ITPR1: variants seen among roughly 807,000 people sequenced by gnomAD.
ITPR1 encodes inositol 1,4,5-trisphosphate receptor type 1.
ITPR1 carries 96 observed loss-of-function variants against 318.4 expected under a neutral mutation model. The ratio of observed to expected loss-of-function variants is 0.30; its 90% CI spans 0.26 to 0.36. The LOEUF (loss-of-function observed/expected upper bound fraction) is 0.36. Ranked by LOEUF, ITPR1 falls within the 10% of genes least tolerant of loss-of-function variation. ITPR1 has a pLI of 1.00. For synonymous variants in ITPR1, 1,312 were observed against 1,289.9 expected (o/e 1.02, Z -0.37); for missense variants, 2,440 against 3,460.2 (o/e 0.71, Z 7.40).
rs774669628 is a variant in ITPR1 at position 4,710,127 on chromosome 3, C to G, written c.4843-198C>G. On this transcript the variant is annotated intron_variant, in intron 37 of 61. Coordinates refer to ENST00000649015, the MANE Select transcript of ITPR1 (RefSeq NM_001378452.1). The surrounding 1 kb of genome is among the most constrained non-coding windows in gnomAD (Gnocchi z 4.2). Reference sequence around the variant, plus strand: ...TGGTGGGAAAGTTGACTTGTTTTCACTTTGTTTTCTGCATCAGAGGCTAAT... The same window carrying G: ...TGGTGGGAAAGTTGACTTGTTTTCAGTTTGTTTTCTGCATCAGAGGCTAAT... 5.3e-5 allele frequency among the ~76,000 whole-genome samples: 8 copies of G among 152,190 alleles called. No homozygotes were observed. Among genetic ancestry groups the G allele is most frequent in the Non-Finnish European group, 1.2e-4 (8 of 68,026 alleles).
At chr3:4,796,009 C>G (rs1204172738) in intron 53 of ITPR1, among the ~76,000 whole-genome samples, 2 of 152,096 alleles carry the variant, frequency 1.3e-5, no homozygotes, top group Non-Finnish European at 2.9e-5. Context: ...GAACAACCTG[C>G]CAGGAACCAC....
chr3:4,833,352 G>T (rs993575216), intron 60 of ITPR1, among the ~76,000 whole-genome samples: 4 of 152,142 alleles, frequency 2.6e-5, no homozygotes, highest in African/African-American at 9.7e-5. Flanking sequence ...TTGGTTTTCT[G>T]GAGTCTTTCG....
At chr3:4,809,848 A>T (rs1002964443) in intron 55 of ITPR1, among the ~76,000 whole-genome samples, 28 of 152,182 alleles carry the variant, frequency 1.8e-4, no homozygotes, top group Non-Finnish European at 3.8e-4. Flanking sequence ...CTTTATATTG[A>T]GCTGCTGGAA....
chr3:4,620,888 C>G (rs560017944), intron 4 of ITPR1, among the ~76,000 whole-genome samples: 18 of 152,164 alleles, frequency 1.2e-4, no homozygotes, highest in African/African-American at 4.3e-4. Context: ...AACTTTCCTC[C>G]TCTCCAACTC....
intron 45 of ITPR1, among the ~76,000 whole-genome samples, chr3:4,768,019 G>C (rs1045648449): frequency 1.3e-5 from 2 of 152,200 alleles, no homozygotes; most frequent in Non-Finnish European, 2.9e-5. Context: ...TAACTGTAAT[G>C]CCATAACTAC....
intron 60 of ITPR1, among the ~76,000 whole-genome samples, chr3:4,833,035 C>T (rs746926659): frequency 6.6e-6 from 1 of 152,230 alleles, no homozygotes; most frequent in Non-Finnish European, 1.5e-5. Context: ...AGTTCTTGGA[C>T]TAAAGCAGCT....
At position 4,627,888 on chromosome 3, in the gene ITPR1, G is replaced by T. The variant is rs1315924250; in HGVS notation, c.279+10G>T. 1.9e-6 allele frequency: 3 copies of T among 1,576,616 alleles called. No individual in the cohort carries two copies. Among genetic ancestry groups the T allele is most frequent in the Admixed American group, 1.7e-5 (1 of 59,298 alleles). ...ACTCAACAAACTGCACGTACGTATT[G>T]CCATGGGGCTGTCGATGGGGCAGTA... On this transcript the variant is annotated intron_variant, in intron 5 of 61. Transcript: ENST00000649015.
chr3:4,495,678 A>G (rs2080499579), intron 2 of ITPR1, among the ~76,000 whole-genome samples: 1 of 152,238 alleles, frequency 6.6e-6, no homozygotes, highest in Admixed American at 6.5e-5. Context: ...AGCCAGGTCC[A>G]GAGCCATGTA....
At chr3:4,689,315 A>ACACT (rs10578255) in intron 31 of ITPR1, among the ~76,000 whole-genome samples, 1 of 151,770 alleles carries the variant, frequency 6.6e-6, no homozygotes, top group Non-Finnish European at 1.5e-5. Flanking sequence ...GTGCATGCAC[A>ACACT]CACTCACTCA....
intron 4 of ITPR1, among the ~76,000 whole-genome samples, chr3:4,564,099 GC>G (rs753261439): frequency 6.6e-6 from 1 of 151,992 alleles, no homozygotes; most frequent in Non-Finnish European, 1.5e-5. Context: ...GTGCCACCAT[GC>G]CCGGCTAATT....
At chr3:4,683,583 G>T (rs1037009787) in intron 27 of ITPR1, 32 bp downstream of exon 27, 1 of 1,613,870 alleles carries the variant, frequency 6.2e-7, no homozygotes, top group Non-Finnish European at 8.5e-7. Context: ...TGTGTTGTCT[G>T]TCCAAGAAGC....
intron 60 of ITPR1, among the ~76,000 whole-genome samples, chr3:4,821,724 T>G (rs2049735515): frequency 6.6e-6 from 1 of 152,114 alleles, no homozygotes. Context: ...CTTTCCTAAT[T>G]CCTGCTGGAA....
chr3:4,505,064 C>G (rs546151097), intron 2 of ITPR1, among the ~76,000 whole-genome samples: 1 of 152,176 alleles, frequency 6.6e-6, no homozygotes, highest in African/African-American at 2.4e-5. Context: ...TGAAACGGTG[C>G]CTTTTTGTCT....
At chr3:4,529,849 C>G (rs1010086040) in intron 4 of ITPR1, among the ~76,000 whole-genome samples, 1 of 148,764 alleles carries the variant, frequency 6.7e-6, no homozygotes, top group African/African-American at 2.6e-5. Flanking sequence ...TTATTTAATC[C>G]TCATAACAAC....
At chr3:4,727,979 A>G (rs2042642485) in intron 42 of ITPR1, among the ~76,000 whole-genome samples, 1 of 152,202 alleles carries the variant, frequency 6.6e-6, no homozygotes, top group Non-Finnish European at 1.5e-5. Flanking sequence ...TATTCTAGGT[A>G]TACAACTTTT....
At chr3:4,580,028 G>A (rs1450560846) in intron 4 of ITPR1, among the ~76,000 whole-genome samples, 1 of 152,096 alleles carries the variant, frequency 6.6e-6, no homozygotes, top group Non-Finnish European at 1.5e-5. Context: ...GGCTAACACG[G>A]TGAAACCCTG....
intron 39 of ITPR1, 59 bp from the exon 40 acceptor site, chr3:4,717,307 TG>T (rs1280571031): frequency 1.4e-6 from 2 of 1,380,176 alleles, no homozygotes; most frequent in Non-Finnish European, 1.0e-6. Flanking sequence ...TAAACTTGGC[TG>T]GCTTGTATTT....
intron 25 of ITPR1, among the ~76,000 whole-genome samples, chr3:4,681,009 T>C (rs2094287063): frequency 6.6e-6 from 1 of 152,120 alleles, no homozygotes; most frequent in South Asian, 2.1e-4. Flanking sequence ...TCCAGGAGAC[T>C]TCTTGACCAC....
chr3:4,656,914 G>A (rs1263889469), intron 12 of ITPR1, among the ~76,000 whole-genome samples: 2 of 152,358 alleles, frequency 1.3e-5, no homozygotes, highest in East Asian at 3.9e-4. Flanking sequence ...GCGCGAGCTG[G>A]CCAGTCTCTT....
Sources: allele counts gnomAD v4.1 joint callset (sites outside exome capture counted in the v4.1 genomes callset), GRCh38; gene constraint gnomAD v4.1.1; non-coding constraint Gnocchi (gnomAD v3.1); transcripts MANE v1.5; gene names NCBI Gene and HGNC (gene_info 2026-07-23, HGNC 2026-07-21).